The following RPS6KC1 variants were observed in gnomAD, a reference collection of about 807,000 sequenced individuals.
RPS6KC1 encodes the protein ribosomal protein S6 kinase C1, also known as inactive ribosomal protein S6 kinase delta-1.
A neutral mutation model predicts 103.8 loss-of-function variants in RPS6KC1; 54 were observed. The ratio of observed to expected loss-of-function variants is 0.52; its 90% confidence interval spans 0.42 to 0.65. RPS6KC1 has a LOEUF of 0.65. Ranked by LOEUF, RPS6KC1 falls within the 30% of genes least tolerant of loss-of-function variation. The pLI is 0.00. For synonymous variants in RPS6KC1, 439 were observed against 438.7 expected (o/e 1.00, Z -0.01); for missense variants, 1,151 against 1,253.8 (o/e 0.92, Z 1.24).
the RPS6KC1 span, among the ~76,000 whole-genome samples, chr1:213,849,368 T>A: frequency 2.0e-5 from 3 of 152,312 alleles, 1 homozygote; most frequent in Middle Eastern, 0.01. Flanking sequence ...ATACTTAGGC[T>A]ACTAGGGGAT....
chr1:213,431,507 C>T, the RPS6KC1 span, among the ~76,000 whole-genome samples: 1 of 152,172 alleles, frequency 6.6e-6, no homozygotes, highest in East Asian at 1.9e-4. Flanking sequence ...GTTTCTATTG[C>T]CATTAATTCA....
the RPS6KC1 span, among the ~76,000 whole-genome samples, chr1:213,582,231 A>G: frequency 3.3e-5 from 5 of 149,740 alleles, no homozygotes; most frequent in Admixed American, 1.3e-4. Flanking sequence ...TTTCTCACAT[A>G]GGGTGCCACC....
the RPS6KC1 span, among the ~76,000 whole-genome samples, chr1:213,368,398 T>C: frequency 6.6e-6 from 1 of 152,196 alleles, no homozygotes; most frequent in Non-Finnish European, 1.5e-5. Context: ...GGGTAGGTCC[T>C]TGTGAGTTCC....
the RPS6KC1 span, among the ~76,000 whole-genome samples, chr1:213,748,015 G>C: frequency 1.3e-5 from 2 of 152,136 alleles, no homozygotes; most frequent in Non-Finnish European, 2.9e-5. Context: ...TATTAATTGA[G>C]CATCTACTGT....
chr1:213,101,945 A>G (rs1385130356), intron 3 of RPS6KC1, among the ~76,000 whole-genome samples: 1 of 152,216 alleles, frequency 6.6e-6, no homozygotes, highest in East Asian at 1.9e-4. Flanking sequence ...CAAGCCAGAG[A>G]ATTGGTTTTA....
At chr1:213,489,489 A>G in the RPS6KC1 span, among the ~76,000 whole-genome samples, 5 of 152,212 alleles carry the variant, frequency 3.3e-5, no homozygotes, top group African/African-American at 9.6e-5. Context: ...TTTTCATTCA[A>G]TAAGCATTTA....
chr1:213,829,579 C>T, the RPS6KC1 span, among the ~76,000 whole-genome samples: 4 of 152,128 alleles, frequency 2.6e-5, no homozygotes, highest in Admixed American at 6.6e-5. Flanking sequence ...CATGAGAGGT[C>T]AGAAATTGGG....
At chr1:213,413,543 T>C in the RPS6KC1 span, among the ~76,000 whole-genome samples, 1 of 152,206 alleles carries the variant, frequency 6.6e-6, no homozygotes, top group African/African-American at 2.4e-5. Context: ...AATAGTTCAC[T>C]CATGTGGCTG....
At chr1:213,085,636 C>T (rs983205203) in intron 3 of RPS6KC1, among the ~76,000 whole-genome samples, 2 of 152,112 alleles carry the variant, frequency 1.3e-5, no homozygotes, top group Non-Finnish European at 1.5e-5. Context: ...TCCACCTTTG[C>T]TGTTACCCTT....
At chr1:213,420,834 C>T in the RPS6KC1 span, among the ~76,000 whole-genome samples, 3 of 152,278 alleles carry the variant, frequency 2.0e-5, no homozygotes, top group African/African-American at 4.8e-5. Context: ...GGCAGGGCCA[C>T]GCTCCCTCTG....
chr1:213,740,508 A>C, the RPS6KC1 span, among the ~76,000 whole-genome samples: 2 of 152,086 alleles, frequency 1.3e-5, no homozygotes, highest in Non-Finnish European at 2.9e-5. Flanking sequence ...CTTGGGATTC[A>C]GCTTCGTCCT....
At chr1:213,769,933 A>G in the RPS6KC1 span, among the ~76,000 whole-genome samples, 1 of 152,152 alleles carries the variant, frequency 6.6e-6, no homozygotes, top group Non-Finnish European at 1.5e-5. Flanking sequence ...GTGGTTCTGG[A>G]GAGTGTGAAA....
chr1:213,267,435 G>GA (rs1193548779), intron 14 of RPS6KC1, among the ~76,000 whole-genome samples: 1 of 151,874 alleles, frequency 6.6e-6, no homozygotes, highest in South Asian at 2.1e-4. Flanking sequence ...ACTTCATGGG[G>GA]AAAAAATCAG....
chr1:213,405,541 C>T, the RPS6KC1 span, among the ~76,000 whole-genome samples: 1 of 152,184 alleles, frequency 6.6e-6, no homozygotes, highest in African/African-American at 2.4e-5. Context: ...CCATATTGCA[C>T]TGAAATCGAC....
intron 4 of RPS6KC1, among the ~76,000 whole-genome samples, chr1:213,114,747 G>C (rs1214407799): frequency 6.6e-6 from 1 of 151,870 alleles, no homozygotes; most frequent in African/African-American, 2.4e-5. Context: ...ACCTAATTGA[G>C]AGTTTTTAGC....
At chr1:213,625,545 C>T in the RPS6KC1 span, among the ~76,000 whole-genome samples, 1 of 152,108 alleles carries the variant, frequency 6.6e-6, no homozygotes. Context: ...TGTCATTTAA[C>T]ATTAGGTATA....
At chr1:213,653,030 G>C in the RPS6KC1 span, among the ~76,000 whole-genome samples, 3 of 152,160 alleles carry the variant, frequency 2.0e-5, no homozygotes, top group East Asian at 5.8e-4. Context: ...AAAATGTATT[G>C]GCTGAATGAA....
chr1:213,524,127 G>A, the RPS6KC1 span, among the ~76,000 whole-genome samples: 1 of 152,300 alleles, frequency 6.6e-6, no homozygotes, highest in Admixed American at 6.5e-5. Context: ...TGGAGAACCA[G>A]CTTTTCTGCC....
chr1:213,130,106 T>G (rs1435543609), intron 6 of RPS6KC1, among the ~76,000 whole-genome samples: 2 of 152,236 alleles, frequency 1.3e-5, no homozygotes, highest in African/African-American at 4.8e-5. Context: ...AATCAATTAA[T>G]CCACAAAAAC....
Sources: allele counts gnomAD v4.1 joint callset (sites outside exome capture counted in the v4.1 genomes callset), GRCh38; gene constraint gnomAD v4.1.1; transcripts MANE v1.5; gene names NCBI Gene and HGNC (gene_info 2026-07-23, HGNC 2026-07-21).